The following EVA1A variants were observed in gnomAD, a reference collection of about 807,000 sequenced individuals.
EVA1A encodes eva-1 homolog A, regulator of programmed cell death, also known as protein eva-1 homolog A.
In EVA1A, 7 loss-of-function variants were observed where a neutral mutation model predicts 9.8. The observed-to-expected ratio is 0.71, with a 90% CI of 0.41 to 1.34. EVA1A has a LOEUF of 1.34. EVA1A is among the 40% of genes most tolerant of loss of function. The probability of loss-of-function intolerance (pLI) is 0.01; values close to 1 mark genes in which losing one functional copy is unlikely to be tolerated. For synonymous variants in EVA1A, 90 were observed against 85.6 expected (o/e 1.05, Z -0.28); for missense variants, 206 against 205.9 (o/e 1.00, Z 0.00).
intron 3 of EVA1A, among the ~76,000 whole-genome samples, chr2:75,508,337 G>A (rs574973095): frequency 8.5e-5 from 13 of 152,214 alleles, no homozygotes; most frequent in Admixed American, 4.6e-4. Context: ...GAGAAATATC[G>A]CTGAATTCTT....
At chr2:75,511,195 T>C (rs1029724658) in intron 3 of EVA1A, among the ~76,000 whole-genome samples, 8 of 152,286 alleles carry the variant, frequency 5.3e-5, no homozygotes, top group Admixed American at 4.6e-4. Context: ...CTTTTAGGAG[T>C]AAATTGGTAA....
chr2:75,545,421 C>T (rs1045190527), intron 1 of EVA1A, among the ~76,000 whole-genome samples: 2 of 152,012 alleles, frequency 1.3e-5, no homozygotes, highest in East Asian at 1.9e-4. Flanking sequence ...TTTGCTTTCC[C>T]GATGAGAACC....
At chr2:75,556,187 T>G (rs1448837031) in intron 1 of EVA1A, among the ~76,000 whole-genome samples, 1 of 152,194 alleles carries the variant, frequency 6.6e-6, no homozygotes, top group Non-Finnish European at 1.5e-5. Flanking sequence ...CTAGTCTGAA[T>G]CCAAATGCCC....
chr2:75,525,501 C>T (rs546691557), intron 1 of EVA1A, among the ~76,000 whole-genome samples: 81 of 152,326 alleles, frequency 5.3e-4, no homozygotes, highest in Non-Finnish European at 1.0e-3. Context: ...GTGCTTCTAA[C>T]GATTGCTCCA....
chr2:75,518,271 T>G, intron 2 of EVA1A, 63 bp from the exon 3 acceptor site: 1 of 1,433,506 alleles, frequency 7.0e-7, no homozygotes, highest in Non-Finnish European at 9.2e-7. Flanking sequence ...ATGTTCCAGG[T>G]AGCCTGGACT....
intron 3 of EVA1A, among the ~76,000 whole-genome samples, chr2:75,508,925 G>A (rs1169533586): frequency 6.6e-6 from 1 of 152,090 alleles, no homozygotes; most frequent in Admixed American, 6.6e-5. Flanking sequence ...TTCCTCCTCT[G>A]AGGGGAGGAA....
intron 1 of EVA1A, among the ~76,000 whole-genome samples, chr2:75,555,134 C>T (rs927666659): frequency 6.6e-6 from 1 of 152,160 alleles, no homozygotes; most frequent in Non-Finnish European, 1.5e-5. Flanking sequence ...ATGCACCCAT[C>T]CTCTGTGGGG....
intron 3 of EVA1A, among the ~76,000 whole-genome samples, chr2:75,513,411 T>A (rs1305620450): frequency 5.9e-5 from 9 of 152,224 alleles, no homozygotes; most frequent in Admixed American, 4.6e-4. Flanking sequence ...TGGACATACT[T>A]CTCATATCTT....
intron 1 of EVA1A, among the ~76,000 whole-genome samples, chr2:75,558,229 G>A (rs933414153): frequency 6.6e-6 from 1 of 152,210 alleles, no homozygotes; most frequent in African/African-American, 2.4e-5. Flanking sequence ...TAAGATGAAT[G>A]ATTATTATTC....
chr2:75,530,076 G>A (rs1000620512), intron 1 of EVA1A, among the ~76,000 whole-genome samples: 5 of 152,016 alleles, frequency 3.3e-5, no homozygotes, highest in African/African-American at 1.2e-4. Context: ...TATTACAACC[G>A]ATACAATAGA....
At chr2:75,554,729 T>G (rs1046103501) in intron 1 of EVA1A, among the ~76,000 whole-genome samples, 1 of 148,356 alleles carries the variant, frequency 6.7e-6, no homozygotes, top group Admixed American at 6.8e-5. Flanking sequence ...CCTAACACAG[T>G]GCCTGGCACC....
chr2:75,522,690 C>G (rs1006206488), intron 1 of EVA1A, among the ~76,000 whole-genome samples: 1 of 152,192 alleles, frequency 6.6e-6, no homozygotes, highest in Non-Finnish European at 1.5e-5. Context: ...GCCAGATAAA[C>G]CAGTCTCCCA....
At chr2:75,515,539 A>C (rs1674972964) in intron 3 of EVA1A, among the ~76,000 whole-genome samples, 1 of 152,220 alleles carries the variant, frequency 6.6e-6, no homozygotes, top group African/African-American at 2.4e-5. Flanking sequence ...CCTTGCCCAA[A>C]GAGAAATCCA....
At chr2:75,532,568 T>C (rs532620876) in intron 1 of EVA1A, among the ~76,000 whole-genome samples, 4 of 152,310 alleles carry the variant, frequency 2.6e-5, no homozygotes, top group South Asian at 4.1e-4. Flanking sequence ...TAGAAATTAC[T>C]TAGTTGAACT....
chr2:75,502,457 C>G (rs1674464737), intron 3 of EVA1A, among the ~76,000 whole-genome samples: 1 of 152,240 alleles, frequency 6.6e-6, no homozygotes, highest in Admixed American at 6.5e-5. Flanking sequence ...CAAGTGGCAT[C>G]TCTACATGCA....
chr2:75,495,657 T>C (rs535632524), intron 3 of EVA1A, among the ~76,000 whole-genome samples: 2 of 152,194 alleles, frequency 1.3e-5, no homozygotes, highest in African/African-American at 2.4e-5. Flanking sequence ...TGACTATACA[T>C]TGGGTAGAGT....
chr2:75,504,523 C>G (rs1674542469), intron 3 of EVA1A, among the ~76,000 whole-genome samples: 2 of 152,210 alleles, frequency 1.3e-5, no homozygotes, highest in Admixed American at 1.3e-4. Flanking sequence ...CTGGAGGAAG[C>G]TTCCTTCCTT....
intron 1 of EVA1A, among the ~76,000 whole-genome samples, chr2:75,548,061 C>G (rs1255163911): frequency 6.6e-6 from 1 of 152,240 alleles, no homozygotes; most frequent in Non-Finnish European, 1.5e-5. Context: ...CCATTCCCTT[C>G]AGTGACTTGC....
At chr2:75,507,635 C>G (rs530026785) in intron 3 of EVA1A, among the ~76,000 whole-genome samples, 48 of 152,280 alleles carry the variant, frequency 3.2e-4, no homozygotes, top group African/African-American at 1.2e-3. Context: ...CCCTCTATGA[C>G]ACACCTCATC....
Sources: allele counts gnomAD v4.1 joint callset (sites outside exome capture counted in the v4.1 genomes callset), GRCh38; gene constraint gnomAD v4.1.1; transcripts MANE v1.5; gene names NCBI Gene and HGNC (gene_info 2026-07-23, HGNC 2026-07-21).